Variants in MYBL2 observed in about 807,000 individuals in gnomAD.
The protein encoded by MYBL2 is myb-related protein B.
In MYBL2, 28 loss-of-function variants were observed where a neutral mutation model predicts 79.9. The observed-to-expected ratio is 0.35, with a 90% CI of 0.26 to 0.48. MYBL2 has a LOEUF of 0.48. Among genes scored for constraint, MYBL2 ranks in the 20% least tolerant of loss-of-function variants. The pLI is 0.99. For missense variants in MYBL2, 735 were observed against 893.9 expected (o/e 0.82, Z 2.27); for synonymous variants, 378 against 361.2 (o/e 1.05, Z -0.53).
chr20:43,688,736 C>T (rs1386972149), intron 5 of MYBL2, among the ~76,000 whole-genome samples: 1 of 152,186 alleles, frequency 6.6e-6, no homozygotes, highest in Non-Finnish European at 1.5e-5. Flanking sequence ...AGCCACCACA[C>T]CTGGCCTGGC....
intron 6 of MYBL2, among the ~76,000 whole-genome samples, chr20:43,694,892 A>G (rs1375374827): frequency 6.6e-6 from 1 of 152,230 alleles, no homozygotes; most frequent in African/African-American, 2.4e-5. Flanking sequence ...CAGAGTGAAC[A>G]GATCTCTAGT....
At chr20:43,703,785 T>G (rs1324851987) in intron 8 of MYBL2, among the ~76,000 whole-genome samples, 2 of 152,012 alleles carry the variant, frequency 1.3e-5, no homozygotes, top group Admixed American at 6.6e-5. Context: ...AGACCCTGTG[T>G]CGGTTTGCTC....
chr20:43,686,575 C>A (rs1006643792), intron 4 of MYBL2, among the ~76,000 whole-genome samples: 1 of 152,174 alleles, frequency 6.6e-6, no homozygotes, highest in East Asian at 1.9e-4. Flanking sequence ...TGTTTACCCC[C>A]ACTTGATCTC....
intron 2 of MYBL2, 130 bp from the exon 3 acceptor site, chr20:43,681,654 C>G: frequency 1.1e-6 from 1 of 913,092 alleles, no homozygotes. Context: ...GTGCCTGGCA[C>G]CTTGTACGTA....
At position 43,692,343 on chromosome 20, in the gene MYBL2, G is replaced by A. The variant is rs759724903; in HGVS notation, c.663+24G>A. 109 of 1,612,550 alleles carry A rather than the reference G, an allele frequency of 6.8e-5. No homozygotes were observed. In the South Asian group the frequency reaches 6.9e-4, roughly 10 times the overall value. On this transcript the variant is annotated intron_variant, in intron 6 of 13. Coordinates refer to ENST00000217026, the MANE Select transcript of MYBL2 (RefSeq NM_002466.4). The stretch of plus-strand genomic sequence containing the variant: ...AGGTGAGACAGCTGCTCAGCCTTTG[G>A]CTTGGTTTGATTTCACATTCATCTG...
intron 6 of MYBL2, 90 bp downstream of exon 6, chr20:43,692,409 G>A: frequency 6.6e-7 from 1 of 1,518,860 alleles, no homozygotes; most frequent in Non-Finnish European, 9.0e-7. Flanking sequence ...CTATTGGTCA[G>A]TTTCTGCCAC....
chr20:43,714,421 C>T (rs115036390), intron 12 of MYBL2, among the ~76,000 whole-genome samples: 1,698 of 152,294 alleles, frequency 0.011, 34 homozygotes, highest in African/African-American at 0.038. Flanking sequence ...CTGGATAATG[C>T]TCAGTGATAC....
At chr20:43,689,135 G>A (rs1600551555) in intron 5 of MYBL2, among the ~76,000 whole-genome samples, 1 of 152,240 alleles carries the variant, frequency 6.6e-6, no homozygotes, top group South Asian at 2.1e-4. Flanking sequence ...ATGAAAACTT[G>A]TAAAAAATCT....
intron 1 of MYBL2, among the ~76,000 whole-genome samples, chr20:43,671,274 T>G (rs826947): frequency 0.82 from 124,453 of 151,708 alleles, 51,520 homozygotes; most frequent in Non-Finnish European, 0.88. Flanking sequence ...TTCTGCCTCA[T>G]CCTCTCGAGT....
In MYBL2 at chr20:43,692,218, G is replaced by A; in HGVS notation, c.562G>A (p.Gly188Ser). Residue 188 changes from glycine (G) to serine (S), a missense_variant, in exon 6 of 14, where the codon GGC becomes AGC. Around this residue, in one of 5 missense-constraint regions of MYBL2, gnomAD observed 144 missense variants for 131.9 expected, o/e 1.09. Coordinates refer to ENST00000217026, the MANE Select transcript of MYBL2 (RefSeq NM_002466.4). The stretch of plus-strand genomic sequence containing the variant: ...CATCAAAAGGAAGGTGGACACAGGA[G>A]GCTTCTTGAGCGAGTCCAAAGACTG... Reference protein sequence around the residue: ...STIKRKVDTGGFLSESKDCKP... With the variant: ...STIKRKVDTGSFLSESKDCKP... 6.2e-7 allele frequency: 1 copy of A among 1,614,146 alleles called. No homozygotes were observed. The highest frequency in any genetic ancestry group is 8.5e-7 in the Non-Finnish European group (1 of 1,180,032).
chr20:43,701,876 T>G (rs1175966804), intron 7 of MYBL2, among the ~76,000 whole-genome samples: 2 of 152,060 alleles, frequency 1.3e-5, no homozygotes, highest in African/African-American at 4.8e-5. Flanking sequence ...TTTTAAAAAA[T>G]TAGCTGAAGC....
chr20:43,670,442 T>C (rs1986829806), intron 1 of MYBL2, among the ~76,000 whole-genome samples: 1 of 152,258 alleles, frequency 6.6e-6, no homozygotes, highest in African/African-American at 2.4e-5. Flanking sequence ...TTTTTTTCTT[T>C]TGAAATTGGG....
intron 6 of MYBL2, among the ~76,000 whole-genome samples, chr20:43,693,059 G>A (rs1260225866): frequency 2.0e-5 from 3 of 152,080 alleles, no homozygotes; most frequent in Non-Finnish European, 4.4e-5. Flanking sequence ...TTGAGACAGA[G>A]TTTTGCTCTG....
intron 10 of MYBL2, among the ~76,000 whole-genome samples, chr20:43,710,597 G>A (rs1482060508): frequency 6.6e-6 from 1 of 152,180 alleles, no homozygotes; most frequent in Non-Finnish European, 1.5e-5. Flanking sequence ...ACACACAGGT[G>A]TTTTAGAAAT....
intron 11 of MYBL2, 49 bp downstream of exon 11, chr20:43,711,650 T>G: frequency 1.3e-6 from 2 of 1,524,364 alleles, no homozygotes; most frequent in Admixed American, 1.9e-5. Flanking sequence ...ATTGGAGCCG[T>G]GGCATGGGGG....
intron 6 of MYBL2, among the ~76,000 whole-genome samples, chr20:43,698,751 C>A (rs992154782): frequency 6.7e-6 from 1 of 149,548 alleles, no homozygotes; most frequent in African/African-American, 2.5e-5. Flanking sequence ...TCACTGCAAC[C>A]TTGAACTCAT....
Position 43,687,016 on chromosome 20 carries a change from G to A in MYBL2, c.444G>A (p.Glu148=). The A allele has an allele frequency of 2.5e-6, 4 of 1,613,946 alleles. No homozygotes were observed. The highest frequency in any genetic ancestry group is 1.1e-5 in the South Asian group (1 of 91,062). ...WTEEEDRIIC[E]AHKVLGNRWA... Reference sequence around the variant, plus strand: ...AGGAGGAGGACCGCATCATCTGCGAGGCCCACAAGGTGCTGGGCAACCGCT... The same window carrying A: ...AGGAGGAGGACCGCATCATCTGCGAAGCCCACAAGGTGCTGGGCAACCGCT... The change falls in exon 5 of 14, where the codon GAG becomes GAA. Residue 148 remains glutamate, a synonymous_variant. Transcript: ENST00000217026.
At chr20:43,703,033 G>C in intron 8 of MYBL2, 130 bp downstream of exon 8, 1 of 1,053,848 alleles carries the variant, frequency 9.5e-7, no homozygotes, top group Admixed American at 2.8e-5. Context: ...GGAAGACCAG[G>C]TAACTAAAAA....
chr20:43,684,563 A>T, intron 4 of MYBL2, among the ~76,000 whole-genome samples: 1 of 145,850 alleles, frequency 6.9e-6, no homozygotes. Context: ...ATTTGTAGAG[A>T]CAGGGTCTTC....
Sources: allele counts gnomAD v4.1 joint callset (sites outside exome capture counted in the v4.1 genomes callset), GRCh38; gene constraint gnomAD v4.1.1; regional missense constraint gnomAD v4.1.1; transcripts MANE v1.5; gene names NCBI Gene and HGNC (gene_info 2026-07-23, HGNC 2026-07-21).